Variants in IQSEC3 observed in about 807,000 individuals in gnomAD.
The protein encoded by IQSEC3 is IQ motif and Sec7 domain ArfGEF 3.
A neutral mutation model predicts 105.4 loss-of-function variants in IQSEC3; 50 were observed. That is an observed-to-expected ratio of 0.47 (90% CI 0.38 to 0.60). The LOEUF is 0.60. IQSEC3 is among the 20% of genes least tolerant of loss of function. The pLI is 0.00. For missense variants in IQSEC3, 1,415 were observed against 1,630.0 expected, an observed-to-expected ratio of 0.87 and a Z score of 2.27; for synonymous variants, 708 against 746.0, an observed-to-expected ratio of 0.95 and a Z score of 0.83.
rs1365991984 is a variant in IQSEC3 at position 125,798 on chromosome 12, C to T, written c.789C>T (p.Gly263=). Residue 263 remains glycine, a synonymous_variant, in exon 3 of 14, where the codon GGC becomes GGT. Coordinates refer to ENST00000538872, the MANE Select transcript of IQSEC3 (RefSeq NM_001170738.2). The stretch of plus-strand genomic sequence containing the variant: ...CAGGGGCTGCCTCCCCAAGGGCTGG[C>T]CCCCAGCACAAGGCCTCCCCCGGCC... ...PGAGAASPRA[G]PQHKASPGRQ... The T allele has an allele frequency of 3.3e-6, 5 of 1,522,628 alleles. No individual in the cohort carries two copies. Among genetic ancestry groups the T allele is most frequent in the Middle Eastern group, 2.1e-4 (1 of 4,868 alleles). The allele number at this position is 1,522,628 out of a possible 1,614,324, so 94.3% of individuals were successfully genotyped here. A position where few individuals can be genotyped will look rare whatever the true frequency, so the allele number is the denominator to read the frequency against.
At chr12:128,551 A>G (rs945826674) in intron 3 of IQSEC3, among the ~76,000 whole-genome samples, 11 of 151,710 alleles carry the variant, frequency 7.3e-5, no homozygotes, top group African/African-American at 2.7e-4. Flanking sequence ...CAGCCCACCG[A>G]CCCGCCAAGC....
chr12:76,652 G>C (rs1279436889), intron 1 of IQSEC3, among the ~76,000 whole-genome samples: 1 of 152,130 alleles, frequency 6.6e-6, no homozygotes. Flanking sequence ...TACCCACTCT[G>C]TCTGGAGCAT....
At chr12:141,314 C>T (rs1866017218) in intron 5 of IQSEC3, 29 bp downstream of exon 5, 1 of 1,596,834 alleles carries the variant, frequency 6.3e-7, no homozygotes, top group South Asian at 1.1e-5. Context: ...GGGCTTTCCC[C>T]ACTCCTTCCC....
At chr12:122,748 G>T (rs1309669734) in intron 2 of IQSEC3, among the ~76,000 whole-genome samples, 1 of 152,194 alleles carries the variant, frequency 6.6e-6, no homozygotes, top group Non-Finnish European at 1.5e-5. Flanking sequence ...GTTGTCATTG[G>T]CCGAGTGCTG....
chr12:84,925 CA>C (rs1555071655), intron 1 of IQSEC3, among the ~76,000 whole-genome samples: 1 of 152,080 alleles, frequency 6.6e-6, no homozygotes, highest in Non-Finnish European at 1.5e-5. Context: ...TGCCTGGGGT[CA>C]GGGGGTACAG....
chr12:152,817 G>A lies in IQSEC3; in HGVS notation c.2154-4208G>A, dbSNP rs1458802880. ...TGTGGGAGCATGGGGCCAGCCCTAC[G>A]TGGCATTAGTTTTGTCTTCTGTAAA... On this transcript the variant is annotated intron_variant, in intron 5 of 13. Transcript: ENST00000538872. This position sits in a 1 kb window ranked among gnomAD's most constrained non-coding sequence, Gnocchi z 4.8. 5.3e-5 allele frequency among the ~76,000 whole-genome samples: 8 copies of A among 152,184 alleles called. No homozygotes were observed. Among genetic ancestry groups the A allele is most frequent in the African/African-American group, 1.2e-4 (5 of 41,450 alleles).
Position 99,201 on chromosome 12 carries a change from C to G in IQSEC3, c.610C>G (p.Leu204Val). 6.3e-7 allele frequency: 1 copy of G among 1,598,814 alleles called. No individual in the cohort carries two copies. Among genetic ancestry groups the G allele is most frequent in the Non-Finnish European group, 8.5e-7 (1 of 1,179,678 alleles). The change falls in exon 2 of 14, where the codon CTG (leucine) becomes GTG (valine). Residue 204 changes from leucine to valine, a missense_variant. Leu to Val is a conservative substitution (Grantham distance 32). Transcript: ENST00000538872. ...CCCAGCCGCCGACGCCTGCTCCGAC[C>G]TGGCCTCCCAAAGGTGGGAACTGTG... Reference protein sequence around the residue: ...CCPAADACSDLASQSDGSCTQ... With the variant: ...CCPAADACSDVASQSDGSCTQ...
At chr12:90,455 G>A (rs1293279537) in intron 1 of IQSEC3, among the ~76,000 whole-genome samples, 1 of 151,998 alleles carries the variant, frequency 6.6e-6, no homozygotes, top group Non-Finnish European at 1.5e-5. Context: ...ATGTGTTATG[G>A]TTTTATCTGT....
At chr12:84,648 T>C (rs1220668448) in intron 1 of IQSEC3, among the ~76,000 whole-genome samples, 1 of 152,218 alleles carries the variant, frequency 6.6e-6, no homozygotes, top group Admixed American at 6.5e-5. Context: ...TGTTTGTGTG[T>C]ACACATCTTT....
rs1159084271 is a variant in IQSEC3 at position 176,767 on chromosome 12, T to C, written c.*1734T>C. 1.3e-5 allele frequency: 2 copies of C among 152,412 alleles called. No individual in the cohort carries two copies. The highest frequency in any genetic ancestry group is 3.9e-4 in the East Asian group (2 of 5,186). The allele number at this position is 152,412 out of a possible 1,614,324, so 9.4% of individuals were successfully genotyped here. ...GGCTGCCAGCCCATCTGCCCCTCTG[T>C]GTCCTTGCTGCCCTGGCCCTCCTCT... On this transcript the variant is annotated 3_prime_UTR_variant, in exon 14 of 14. Transcript: ENST00000538872. This position sits in a 1 kb window ranked among gnomAD's most constrained non-coding sequence, Gnocchi z 4.0.
chr12:161,349 G>A (rs1866882347), intron 7 of IQSEC3, among the ~76,000 whole-genome samples: 1 of 152,076 alleles, frequency 6.6e-6, no homozygotes, highest in South Asian at 2.1e-4. Flanking sequence ...TCATTACTAT[G>A]AAGCAGGAGG....
At chr12:110,908 A>G (rs1274934943) in intron 2 of IQSEC3, among the ~76,000 whole-genome samples, 4 of 152,240 alleles carry the variant, frequency 2.6e-5, no homozygotes, top group East Asian at 3.9e-4. Context: ...AGGAACGGGG[A>G]AATTCTCAAT....
At chr12:114,890 T>C (rs181434366) in intron 2 of IQSEC3, among the ~76,000 whole-genome samples, 11 of 152,330 alleles carry the variant, frequency 7.2e-5, no homozygotes, top group Admixed American at 2.6e-4. Context: ...TATTCCATTG[T>C]CACACATACA....
chr12:141,340 G>A (rs1180056002), intron 5 of IQSEC3, 55 bp downstream of exon 5: 16 of 1,567,660 alleles, frequency 1.0e-5, no homozygotes, highest in Admixed American at 1.7e-5. Context: ...CCACCTGCCC[G>A]GGCTCTCTCT....
At chr12:105,694 G>A (rs549549144) in intron 2 of IQSEC3, among the ~76,000 whole-genome samples, 1 of 152,330 alleles carries the variant, frequency 6.6e-6, no homozygotes, top group East Asian at 1.9e-4. Context: ...CTTTGGGAGG[G>A]CGTATTAAAA....
intron 3 of IQSEC3, among the ~76,000 whole-genome samples, chr12:133,995 C>T (rs1277747539): frequency 2.6e-5 from 4 of 152,236 alleles, no homozygotes; most frequent in Non-Finnish European, 2.9e-5. Context: ...CCAGCGGCAG[C>T]GGAGTCAGCA....
rs782274285 is a variant in IQSEC3 at position 171,154 on chromosome 12, C to A, written c.3107C>A (p.Thr1036Lys). 1 of 1,614,104 alleles carries A rather than the reference C, an allele frequency of 6.2e-7. No homozygotes were observed. Reference sequence around the variant, plus strand: ...CTCAGGGAGAGGCCGGCGGAGAGCACGGTGGAGGTAAGTGGAGCCCTGGTT... The same window carrying A: ...CTCAGGGAGAGGCCGGCGGAGAGCAAGGTGGAGGTAAGTGGAGCCCTGGTT... ...AALRERPAES[T>K]VEVSIHNRLQ... The change falls in exon 13 of 14, where the codon ACG (threonine) becomes AAG (lysine). Residue 1036 changes from threonine (T) to lysine (K), a missense_variant. Transcript: ENST00000538872.
At chr12:87,330 CA>C (rs1305468185) in intron 1 of IQSEC3, among the ~76,000 whole-genome samples, 2 of 151,922 alleles carry the variant, frequency 1.3e-5, no homozygotes, top group African/African-American at 4.8e-5. Context: ...CATCACCATG[CA>C]AAAAAAGTAC....
At chr12:87,473 G>A (rs1373569194) in intron 1 of IQSEC3, among the ~76,000 whole-genome samples, 3 of 152,198 alleles carry the variant, frequency 2.0e-5, no homozygotes, top group Non-Finnish European at 4.4e-5. Flanking sequence ...TGGCAACTAA[G>A]AGATCACTAG....
Sources: allele counts gnomAD v4.1 joint callset (sites outside exome capture counted in the v4.1 genomes callset), GRCh38; gene constraint gnomAD v4.1.1; non-coding constraint Gnocchi (gnomAD v3.1); transcripts MANE v1.5; gene names NCBI Gene and HGNC (gene_info 2026-07-23, HGNC 2026-07-21).